TBC1D19: variants seen among roughly 807,000 people sequenced by gnomAD.
TBC1D19 encodes the protein TBC1 domain family member 19, also known as TBC1 domain family, member 19.
A neutral mutation model predicts 89.0 loss-of-function variants in TBC1D19; 60 were observed. The ratio of observed to expected loss-of-function variants is 0.67; its 90% CI spans 0.55 to 0.84. The LOEUF is 0.84. TBC1D19 is among the 40% of genes least tolerant of loss of function. TBC1D19 has a pLI of 0.00. For synonymous variants in TBC1D19, 189 were observed against 199.7 expected (o/e 0.95, Z 0.45); for missense variants, 500 against 610.8 (o/e 0.82, Z 1.91).
At chr4:26,676,487 C>T (rs947258919) in intron 11 of TBC1D19, among the ~76,000 whole-genome samples, 1 of 152,174 alleles carries the variant, frequency 6.6e-6, no homozygotes, top group African/African-American at 2.4e-5. Flanking sequence ...GAAGGCTGAG[C>T]CAGGTGAATC....
At chr4:26,650,299 C>A (rs1457846478) in intron 7 of TBC1D19, among the ~76,000 whole-genome samples, 4 of 152,160 alleles carry the variant, frequency 2.6e-5, no homozygotes, top group Non-Finnish European at 5.9e-5. Flanking sequence ...CTGACTTCCA[C>A]AATGGTTGAA....
intron 4 of TBC1D19, among the ~76,000 whole-genome samples, chr4:26,632,665 C>T (rs1210807430): frequency 1.3e-5 from 2 of 151,996 alleles, no homozygotes; most frequent in Non-Finnish European, 2.9e-5. Flanking sequence ...GTAACTCCCA[C>T]CTGACATTTT....
chr4:26,801,764 C>T, the TBC1D19 span, among the ~76,000 whole-genome samples: 18 of 151,922 alleles, frequency 1.2e-4, 1 homozygote, highest in Non-Finnish European at 1.5e-4. Flanking sequence ...CTTTTCTGGA[C>T]GTGAAAAGGC....
the TBC1D19 span, among the ~76,000 whole-genome samples, chr4:26,834,544 TG>T: frequency 6.7e-6 from 1 of 149,156 alleles, no homozygotes; most frequent in Admixed American, 6.7e-5. Context: ...CTGGTGGCTA[TG>T]GGGGGCGGGG....
At chr4:26,606,273 T>G (rs1411832925) in intron 1 of TBC1D19, among the ~76,000 whole-genome samples, 1 of 152,170 alleles carries the variant, frequency 6.6e-6, no homozygotes, top group Non-Finnish European at 1.5e-5. Context: ...GAGAACAAGT[T>G]GGACTGGACC....
At chr4:26,590,796 GTTTTTTT>G (rs869124166) in intron 1 of TBC1D19, among the ~76,000 whole-genome samples, 37 of 52,948 alleles carry the variant, frequency 7.0e-4, no homozygotes, top group Non-Finnish European at 1.0e-3. Context: ...TTGCAGGTCT[GTTTTTTT>G]TTTTTTTTTT....
intron 7 of TBC1D19, among the ~76,000 whole-genome samples, chr4:26,652,523 G>A (rs1455197142): frequency 6.6e-6 from 1 of 152,156 alleles, no homozygotes; most frequent in African/African-American, 2.4e-5. Context: ...TTACAGGCGT[G>A]AGCCACCGCA....
intron 1 of TBC1D19, among the ~76,000 whole-genome samples, chr4:26,591,710 A>C (rs1002391399): frequency 3.9e-5 from 6 of 152,154 alleles, no homozygotes; most frequent in Admixed American, 3.9e-4. Flanking sequence ...CTATAAACAC[A>C]TCTACGCAAA....
At chr4:26,830,545 G>A in the TBC1D19 span, among the ~76,000 whole-genome samples, 1 of 152,016 alleles carries the variant, frequency 6.6e-6, no homozygotes, top group African/African-American at 2.4e-5. Flanking sequence ...TTTTTTTCCC[G>A]TCTGACCTCT....
chr4:26,767,376 A>G, the TBC1D19 span, among the ~76,000 whole-genome samples: 1 of 152,022 alleles, frequency 6.6e-6, no homozygotes, highest in Non-Finnish European at 1.5e-5. Flanking sequence ...TCAAAACACC[A>G]CTTGAATAAA....
chr4:26,622,097 G>A (rs950024831), intron 4 of TBC1D19, among the ~76,000 whole-genome samples: 6 of 152,048 alleles, frequency 3.9e-5, no homozygotes, highest in Admixed American at 1.3e-4. Context: ...ACTGTTGTGG[G>A]GTGGGGGGAG....
At chr4:26,667,133 A>G (rs935651046) in intron 9 of TBC1D19, among the ~76,000 whole-genome samples, 3 of 152,020 alleles carry the variant, frequency 2.0e-5, no homozygotes, top group Non-Finnish European at 4.4e-5. Context: ...GTAATCAGAA[A>G]TAACCATTGG....
chr4:26,671,499 CA>C (rs1174991005), intron 9 of TBC1D19, among the ~76,000 whole-genome samples: 1 of 151,754 alleles, frequency 6.6e-6, no homozygotes, highest in African/African-American at 2.4e-5. Flanking sequence ...GCTCTCTTAA[CA>C]GTGCTTTTGA....
intron 3 of TBC1D19, among the ~76,000 whole-genome samples, chr4:26,616,944 T>A (rs1334844209): frequency 1.3e-5 from 2 of 152,248 alleles, no homozygotes; most frequent in African/African-American, 4.8e-5. Context: ...ATTGGCTTAT[T>A]CCATATAATC....
the TBC1D19 span, among the ~76,000 whole-genome samples, chr4:26,836,699 GGGA>G: frequency 3.3e-5 from 5 of 152,362 alleles, no homozygotes; most frequent in East Asian, 3.9e-4. Flanking sequence ...AGGGGTTGCA[GGGA>G]GGAGGAGAAT....
chr4:26,715,218 C>G (rs1018908740), intron 13 of TBC1D19, among the ~76,000 whole-genome samples: 5 of 152,034 alleles, frequency 3.3e-5, no homozygotes, highest in African/African-American at 1.2e-4. Flanking sequence ...TCTCACTCCC[C>G]AAACTGTTCT....
At chr4:26,617,386 A>T (rs1305088966) in intron 3 of TBC1D19, among the ~76,000 whole-genome samples, 1 of 152,258 alleles carries the variant, frequency 6.6e-6, no homozygotes, top group Non-Finnish European at 1.5e-5. Context: ...GTTGAAGATC[A>T]TATAGCTAGC....
the TBC1D19 span, among the ~76,000 whole-genome samples, chr4:26,807,141 G>A: frequency 3.3e-5 from 5 of 152,266 alleles, no homozygotes; most frequent in African/African-American, 1.2e-4. Context: ...GCATCACTAC[G>A]GAGTGTGTTA....
chr4:26,699,102 G>A (rs1355097037), intron 13 of TBC1D19, among the ~76,000 whole-genome samples: 1 of 152,138 alleles, frequency 6.6e-6, no homozygotes, highest in African/African-American at 2.4e-5. Context: ...GAAAGTTTTT[G>A]CAATCTACTC....
Sources: gnomAD v4.1 joint callset for allele counts (sites outside exome capture counted in the v4.1 genomes callset) on GRCh38, gnomAD v4.1.1 for gene constraint, MANE v1.5 for transcripts, NCBI Gene and HGNC (gene_info 2026-07-23, HGNC 2026-07-21) for gene names.